USP46: variants seen among roughly 807,000 people sequenced by gnomAD.
The protein encoded by USP46 is ubiquitin carboxyl-terminal hydrolase 46.
In USP46, 12 loss-of-function variants were observed where a neutral mutation model predicts 44.4. That is an observed-to-expected ratio of 0.27 (90% CI 0.17 to 0.44). USP46 has a LOEUF of 0.44. Among genes scored for constraint, USP46 ranks in the 20% least tolerant of loss-of-function variants. The pLI is 1.00. For synonymous variants in USP46, 155 were observed against 161.5 expected (o/e 0.96, Z 0.31); for missense variants, 248 against 444.8 (o/e 0.56, Z 3.98).
intron 4 of USP46, among the ~76,000 whole-genome samples, chr4:52,614,021 T>C (rs991857083): frequency 2.0e-5 from 3 of 151,844 alleles, no homozygotes; most frequent in African/African-American, 7.3e-5. Context: ...AAGAATCAAA[T>C]AGAAATTCTG....
At chr4:52,602,082 T>C (rs909653805) in intron 6 of USP46, 28 bp from the exon 7 acceptor site, 4 of 1,601,942 alleles carry the variant, frequency 2.5e-6, no homozygotes, top group Non-Finnish European at 2.6e-6. Flanking sequence ...AGAAAATCAG[T>C]TGTACCCAAC....
In USP46 at chr4:52,609,898, C is replaced by CTTTTTTTT. The variant is rs66817554; in HGVS notation, c.638+635_638+642dup. Among the ~76,000 whole-genome samples the CTTTTTTTT allele has an allele frequency of 4.7e-3, 115 of 24,582 alleles. 35 individuals are homozygous for CTTTTTTTT. Among genetic ancestry groups the CTTTTTTTT allele is most frequent in the Non-Finnish European group, 7.0e-3 (86 of 12,206 alleles). The allele number at this position is 24,582 out of a possible 152,430, so 16.1% of individuals were successfully genotyped here. On this transcript the variant is annotated intron_variant, in intron 5 of 8. Transcript: ENST00000441222. ...GGAAACCTAAACCTCAATTCTATTT[C>CTTTTTTTT]TTTTTTTTTTTTTTTTTTTTTTTTT...
chr4:52,607,232 A>T (rs1008810545), intron 5 of USP46, among the ~76,000 whole-genome samples: 27 of 152,258 alleles, frequency 1.8e-4, no homozygotes, highest in African/African-American at 6.3e-4. Context: ...GCTTGCTGAC[A>T]GAGTAATGCT....
At chr4:52,648,660 C>A (rs925102641) in intron 1 of USP46, among the ~76,000 whole-genome samples, 5 of 152,324 alleles carry the variant, frequency 3.3e-5, no homozygotes, top group Admixed American at 1.3e-4. Flanking sequence ...GCCAACCATA[C>A]AATATGCATT....
rs1240791855 is a variant in USP46 at position 52,595,016 on chromosome 4, A to C, written c.*2624T>G. The stretch of plus-strand genomic sequence containing the variant: ...AGGCTAAACTAGTAAGTAACCAATA[A>C]AGCAAATGTTCCTTCTGTTTTTTTT... On this transcript the variant is annotated 3_prime_UTR_variant, in exon 9 of 9. Transcript: ENST00000441222. The C allele has an allele frequency of 6.6e-6, 1 of 152,264 alleles. No homozygotes were observed. Among genetic ancestry groups the C allele is most frequent in the East Asian group, 1.9e-4 (1 of 5,200 alleles). The allele number at this position is 152,264 out of a possible 1,614,324, so 9.4% of individuals were successfully genotyped here. A position where few individuals can be genotyped will look rare whatever the true frequency, so the allele number is the denominator to read the frequency against.
chr4:52,620,549 G>GA (rs147210547), intron 4 of USP46, among the ~76,000 whole-genome samples: 18 of 152,090 alleles, frequency 1.2e-4, no homozygotes, highest in South Asian at 6.2e-4. Context: ...GCAAATGTGG[G>GA]AAAAAAACCC....
intron 1 of USP46, among the ~76,000 whole-genome samples, chr4:52,649,330 G>A (rs1718670767): frequency 1.3e-5 from 2 of 152,206 alleles, no homozygotes; most frequent in Admixed American, 6.5e-5. Flanking sequence ...TCCATGGGCA[G>A]GATCTCTTCT....
At chr4:52,602,842 A>C (rs1210364038) in intron 6 of USP46, among the ~76,000 whole-genome samples, 2 of 149,202 alleles carry the variant, frequency 1.3e-5, no homozygotes, top group African/African-American at 5.2e-5. Context: ...TCCCAAACTT[A>C]TATAAACATA....
chr4:52,619,817 A>G (rs562347065), intron 4 of USP46, among the ~76,000 whole-genome samples: 2 of 152,346 alleles, frequency 1.3e-5, no homozygotes, highest in Non-Finnish European at 2.9e-5. Flanking sequence ...CTGGTAGAAA[A>G]AAAAGATTAA....
At chr4:52,651,310 G>C (rs947821982) in intron 1 of USP46, among the ~76,000 whole-genome samples, 1 of 152,056 alleles carries the variant, frequency 6.6e-6, no homozygotes, top group Non-Finnish European at 1.5e-5. Flanking sequence ...GGAGTAGAAG[G>C]AGGAGGGAAC....
chr4:52,603,877 G>A (rs1716576228), intron 6 of USP46, among the ~76,000 whole-genome samples: 2 of 152,050 alleles, frequency 1.3e-5, no homozygotes. Flanking sequence ...TAGAGACGGG[G>A]TTTCACCATG....
At chr4:52,598,384 T>C (rs1414018312) in intron 8 of USP46, among the ~76,000 whole-genome samples, 2 of 152,162 alleles carry the variant, frequency 1.3e-5, no homozygotes, top group African/African-American at 4.8e-5. Context: ...GTGGCACAGA[T>C]AGAGAGATCC....
chr4:52,617,881 T>C (rs2109617905), intron 4 of USP46, among the ~76,000 whole-genome samples: 1 of 152,318 alleles, frequency 6.6e-6, no homozygotes, highest in East Asian at 1.9e-4. Flanking sequence ...CCAATACTCT[T>C]AGCAAGTACA....
intron 1 of USP46, among the ~76,000 whole-genome samples, chr4:52,642,951 T>C (rs1041979978): frequency 6.6e-6 from 1 of 152,104 alleles, no homozygotes; most frequent in Non-Finnish European, 1.5e-5. Context: ...AGAAAGTGCA[T>C]ATGCAGAACA....
At chr4:52,618,381 T>A (rs1257910675) in intron 4 of USP46, among the ~76,000 whole-genome samples, 1 of 151,846 alleles carries the variant, frequency 6.6e-6, no homozygotes, top group Non-Finnish European at 1.5e-5. Context: ...TTCCAGCTAT[T>A]CGGGAGGCTA....
Position 52,593,168 on chromosome 4 carries a change from A to C in USP46, c.*4472T>G. The C allele has an allele frequency of 2.6e-6, 1 of 383,022 alleles. No individual in the cohort carries two copies. Among genetic ancestry groups the C allele is most frequent in the Admixed American group, 4.5e-5 (1 of 22,274 alleles). 23.7% of individuals were successfully genotyped at this position (383,022 alleles called of 1,614,324 possible). On this transcript the variant is annotated 3_prime_UTR_variant, in exon 9 of 9. Transcript: ENST00000441222. ...TTTAGTAAAGGTATTTTAAGTATCA[A>C]TAAAAAGAGAGGAAAGGAAATTTGA...
chr4:52,630,050 T>C (rs553268854), intron 2 of USP46, among the ~76,000 whole-genome samples: 3 of 152,342 alleles, frequency 2.0e-5, no homozygotes, highest in African/African-American at 7.2e-5. Flanking sequence ...GCATAATTAT[T>C]CAGAAAACCA....
At chr4:52,603,159 T>C (rs1716543755) in intron 6 of USP46, among the ~76,000 whole-genome samples, 1 of 152,218 alleles carries the variant, frequency 6.6e-6, no homozygotes, top group South Asian at 2.1e-4. Flanking sequence ...CCATGTTTTA[T>C]GGGAACACAT....
chr4:52,628,284 G>A (rs1231391963), intron 2 of USP46, 121 bp from the exon 3 acceptor site: 1 of 881,994 alleles, frequency 1.1e-6, no homozygotes, highest in Non-Finnish European at 1.7e-6. Flanking sequence ...CTGTATTGGA[G>A]TCCAGCTCAC....
Sources: allele counts gnomAD v4.1 joint callset (sites outside exome capture counted in the v4.1 genomes callset), GRCh38; gene constraint gnomAD v4.1.1; transcripts MANE v1.5; gene names NCBI Gene and HGNC (gene_info 2026-07-23, HGNC 2026-07-21).